The following AP4E1 variants were observed in gnomAD, a reference collection of about 807,000 sequenced individuals.
AP4E1 encodes the protein AP-4 complex subunit epsilon-1.
AP4E1 carries 56 observed loss-of-function variants against 128.2 expected under a neutral mutation model. That is an observed-to-expected ratio of 0.44 (90% CI 0.35 to 0.55). The LOEUF (loss-of-function observed/expected upper bound fraction) is 0.55. Among genes scored for constraint, AP4E1 ranks in the 20% least tolerant of loss-of-function variants. The pLI is 0.00. For synonymous variants in AP4E1, 484 were observed against 473.1 expected, an observed-to-expected ratio of 1.02 and a Z score of -0.30; for missense variants, 1,324 against 1,307.7, an observed-to-expected ratio of 1.01 and a Z score of -0.19.
intron 3 of AP4E1, among the ~76,000 whole-genome samples, chr15:50,919,101 G>A (rs1171558253): frequency 1.3e-5 from 2 of 151,832 alleles, no homozygotes; most frequent in African/African-American, 4.8e-5. Flanking sequence ...ATGGTGGTGG[G>A]TGCCTGTAGT....
intron 14 of AP4E1, among the ~76,000 whole-genome samples, chr15:50,963,807 G>T (rs1399893390): frequency 6.6e-6 from 1 of 152,236 alleles, no homozygotes; most frequent in East Asian, 1.9e-4. Context: ...ATGTATCAAA[G>T]AATCGTATGT....
Position 50,908,800 on chromosome 15 carries a change from A to T in AP4E1, c.22A>T (p.Thr8Ser). Residue 8 changes from threonine to serine, a missense_variant, in exon 1 of 21, where the codon ACG becomes TCG. Coordinates refer to ENST00000261842, the MANE Select transcript of AP4E1 (RefSeq NM_007347.5). ...GGCGATGAGCGACATAGTGGAGAAG[A>T]CGCTGACGGCGCTGCCGGGACTCTT... The part of the protein sequence containing the change: MSDIVEK[T>S]LTALPGLFLQ... The T allele has an allele frequency of 1.3e-6, 2 of 1,597,424 alleles. No homozygotes were observed. The highest frequency in any genetic ancestry group is 1.7e-6 in the Non-Finnish European group (2 of 1,173,494).
chr15:50,946,142 T>C, intron 10 of AP4E1: 1 of 524,464 alleles, frequency 1.9e-6, no homozygotes, highest in Non-Finnish European at 3.4e-6. Context: ...TTAGCTACCC[T>C]GAAAAATGCC....
In AP4E1 at chr15:50,908,712, C is replaced by G. The variant is rs889025322; in HGVS notation, c.-67C>G. The G allele has an allele frequency of 2.3e-5, 32 of 1,397,876 alleles. No individual in the cohort carries two copies. Among genetic ancestry groups the G allele is most frequent in the African/African-American group, 9.2e-5 (6 of 65,042 alleles). 86.6% of individuals were successfully genotyped at this position (1,397,876 alleles called of 1,614,324 possible). A position where few individuals can be genotyped will look rare whatever the true frequency, so the allele number is the denominator to read the frequency against. On this transcript the variant is annotated 5_prime_UTR_variant, in exon 1 of 21. Coordinates refer to ENST00000261842, the MANE Select transcript of AP4E1 (RefSeq NM_007347.5). ...CCTACGGAGGCCGGGCCGGCAGCGGCGGCCGGGCATGAAGCCGGGCGGCTA... is the reference window on the plus strand; with the variant it reads ...CCTACGGAGGCCGGGCCGGCAGCGGGGGCCGGGCATGAAGCCGGGCGGCTA...
intron 14 of AP4E1, among the ~76,000 whole-genome samples, chr15:50,961,439 A>G (rs1330806970): frequency 6.6e-6 from 1 of 152,132 alleles, no homozygotes; most frequent in Non-Finnish European, 1.5e-5. Flanking sequence ...CAGAAATGCA[A>G]GGATGGTTGA....
At chr15:50,956,804 C>T (rs1442186392) in intron 13 of AP4E1, among the ~76,000 whole-genome samples, 1 of 152,224 alleles carries the variant, frequency 6.6e-6, no homozygotes, top group African/African-American at 2.4e-5. Context: ...AGATTTCATA[C>T]TTCCTGAATT....
At chr15:50,910,790 G>A (rs966050488) in intron 1 of AP4E1, among the ~76,000 whole-genome samples, 2 of 152,164 alleles carry the variant, frequency 1.3e-5, no homozygotes, top group African/African-American at 2.4e-5. Flanking sequence ...CTGGTAGCTG[G>A]GATTACAGGC....
rs1401774266 is a variant in AP4E1 at position 50,977,706 on chromosome 15, G to GTTTTTTTTTTTTTTTTT, written c.1967-6312_1967-6296dup. On this transcript the variant is annotated intron_variant, in intron 15 of 20. Transcript: ENST00000261842. Reference sequence around the variant, plus strand: ...ATCTTTTAATTATCAATCTGTTATGGTTTTTTTTTTTTTTTTTTTTAGACA... The same window carrying GTTTTTTTTTTTTTTTTT: ...ATCTTTTAATTATCAATCTGTTATGGTTTTTTTTTTTTTTTTTTTTTTTTTTTTTTTTTTTTTAGACA... Among the ~76,000 whole-genome samples the GTTTTTTTTTTTTTTTTT allele has an allele frequency of 5.5e-4, 44 of 80,282 alleles. 3 individuals are homozygous for GTTTTTTTTTTTTTTTTT. Among genetic ancestry groups the GTTTTTTTTTTTTTTTTT allele is most frequent in the African/African-American group, 1.0e-3 (22 of 21,484 alleles). The allele number at this position is 80,282 out of a possible 152,430, so 52.7% of individuals were successfully genotyped here. A position where few individuals can be genotyped will look rare whatever the true frequency, so the allele number is the denominator to read the frequency against.
chr15:50,938,644 G>A (rs188230108), intron 8 of AP4E1, among the ~76,000 whole-genome samples: 3 of 152,230 alleles, frequency 2.0e-5, no homozygotes, highest in Admixed American at 6.5e-5. Flanking sequence ...GCCAGGGTTC[G>A]GAGGCGTGGG....
intron 14 of AP4E1, among the ~76,000 whole-genome samples, chr15:50,959,047 A>G (rs1303397090): frequency 6.6e-6 from 1 of 152,086 alleles, no homozygotes; most frequent in African/African-American, 2.4e-5. Flanking sequence ...CCCCATCTCT[A>G]CTAAAAGTGC....
intron 10 of AP4E1, 53 bp from the exon 11 acceptor site, chr15:50,947,967 T>C (rs1188744174): frequency 1.5e-6 from 2 of 1,354,782 alleles, no homozygotes; most frequent in African/African-American, 2.9e-5. Flanking sequence ...CTGTACTCAT[T>C]GGTGTTATGC....
chr15:50,938,169 G>A (rs144487555), intron 8 of AP4E1, among the ~76,000 whole-genome samples: 1 of 152,082 alleles, frequency 6.6e-6, no homozygotes, highest in Admixed American at 6.5e-5. Context: ...AGACACGGTG[G>A]TGTGTACCCT....
Position 50,984,088 on chromosome 15 carries a change from C to G in AP4E1, c.2033C>G (p.Ala678Gly), listed in dbSNP as rs760833457. 1.2e-6 allele frequency: 2 copies of G among 1,613,444 alleles called. No homozygotes were observed. Among genetic ancestry groups the G allele is most frequent in the East Asian group, 2.2e-5 (1 of 44,842 alleles). ...GGCTTCACTGGACGACAGTCTCCTGCTGGCATTTCTCTTGGTTCAGATGTA... is the reference window on the plus strand; with the variant it reads ...GGCTTCACTGGACGACAGTCTCCTGGTGGCATTTCTCTTGGTTCAGATGTA... The part of the protein sequence containing the change: ...SSGFTGRQSP[A>G]GISLGSDVSG... Residue 678 changes from alanine (A) to glycine (G), a missense_variant, in exon 16 of 21, where the codon GCT becomes GGT. By Grantham distance (60) the Ala-to-Gly change is moderately conservative (BLOSUM62 0). Transcript: ENST00000261842.
chr15:50,949,415 A>G (rs2140861030), intron 11 of AP4E1, among the ~76,000 whole-genome samples: 1 of 150,422 alleles, frequency 6.6e-6, no homozygotes, highest in South Asian at 2.1e-4. Flanking sequence ...TCTGCCTCAA[A>G]AAAAAAAAAA....
At chr15:50,927,681 T>C (rs1596463318) in intron 5 of AP4E1, among the ~76,000 whole-genome samples, 3 of 152,046 alleles carry the variant, frequency 2.0e-5, no homozygotes, top group Admixed American at 2.0e-4. Flanking sequence ...CTTTTTTTTT[T>C]TGTGAAGAGT....
In AP4E1 at chr15:50,929,339, C is replaced by CATTACAGA. The variant is rs1417494393; in HGVS notation, c.702+176_702+183dup. 8.3e-4 allele frequency among the ~76,000 whole-genome samples: 124 copies of CATTACAGA among 149,828 alleles called. 2 individuals carry two copies. Among genetic ancestry groups the CATTACAGA allele is most frequent in the African/African-American group, 3.0e-3 (121 of 40,798 alleles). On this transcript the variant is annotated intron_variant, in intron 6 of 20. Transcript: ENST00000261842. The stretch of plus-strand genomic sequence containing the variant: ...TTGTTGAGAGCATGAGTTGTAGGCA[C>CATTACAGA]ATTACAGAATTAGTTTTTTTTTTTT...
intron 3 of AP4E1, among the ~76,000 whole-genome samples, chr15:50,919,001 G>A (rs971577183): frequency 6.6e-6 from 1 of 152,056 alleles, no homozygotes; most frequent in Non-Finnish European, 1.5e-5. Flanking sequence ...GGCCGAGGTG[G>A]GCGGATCACC....
chr15:50,914,365 A>G (rs375271683), intron 2 of AP4E1, among the ~76,000 whole-genome samples: 1 of 152,060 alleles, frequency 6.6e-6, no homozygotes, highest in Non-Finnish European at 1.5e-5. Flanking sequence ...AAAATAGTCT[A>G]TGTGGACGGG....
chr15:50,981,839 A>G (rs1189216691), intron 15 of AP4E1, among the ~76,000 whole-genome samples: 2 of 152,120 alleles, frequency 1.3e-5, no homozygotes, highest in Non-Finnish European at 2.9e-5. Flanking sequence ...TAATCCCAGC[A>G]CTTTGGGAGC....
Sources: gnomAD v4.1 joint callset for allele counts (sites outside exome capture counted in the v4.1 genomes callset) on GRCh38, gnomAD v4.1.1 for gene constraint, MANE v1.5 for transcripts, NCBI Gene and HGNC (gene_info 2026-07-23, HGNC 2026-07-21) for gene names.